The following FBXO34 variants were observed in gnomAD, a reference collection of about 807,000 sequenced individuals.
The protein encoded by FBXO34 is F-box protein 34.
FBXO34 carries 12 observed loss-of-function variants against 24.5 expected under a neutral mutation model. That is an observed-to-expected ratio of 0.49 (90% CI 0.31 to 0.79). The LOEUF is 0.79. FBXO34 is among the 30% of genes least tolerant of loss of function. The probability of loss-of-function intolerance (pLI) is 0.04; values close to 1 mark genes in which losing one functional copy is unlikely to be tolerated. For missense variants in FBXO34, 823 were observed against 857.7 expected, an observed-to-expected ratio of 0.96 and a Z score of 0.51; for synonymous variants, 320 against 311.9, an observed-to-expected ratio of 1.03 and a Z score of -0.27.
intron 3 of FBXO34, among the ~76,000 whole-genome samples, chr14:55,359,391 T>C (rs556992963): frequency 6.6e-6 from 1 of 152,338 alleles, no homozygotes; most frequent in East Asian, 1.9e-4. Flanking sequence ...ACCACTGCAA[T>C]AAAGCAAGTC....
chr14:55,279,178 T>C (rs529321440), intron 1 of FBXO34, among the ~76,000 whole-genome samples: 106 of 151,960 alleles, frequency 7.0e-4, no homozygotes, highest in African/African-American at 2.4e-3. Flanking sequence ...TCCCAGCTAC[T>C]TGGTAGGCTG....
At chr14:55,409,617 C>A in the FBXO34 span, among the ~76,000 whole-genome samples, 1 of 151,568 alleles carries the variant, frequency 6.6e-6, no homozygotes, top group African/African-American at 2.4e-5. Flanking sequence ...GAGTTCCTGG[C>A]TGTCTAAATA....
At chr14:55,429,099 C>T in the FBXO34 span, 1 of 1,200,342 alleles carries the variant, frequency 8.3e-7, no homozygotes, top group Non-Finnish European at 1.1e-6. Flanking sequence ...AAGCTGTAGG[C>T]TTTGTGAGGA....
intron 1 of FBXO34, among the ~76,000 whole-genome samples, chr14:55,304,078 G>A (rs900104633): frequency 3.3e-5 from 5 of 152,130 alleles, no homozygotes; most frequent in Non-Finnish European, 5.9e-5. Flanking sequence ...ACATGTGTGC[G>A]GTTAAAGTGA....
the FBXO34 span, among the ~76,000 whole-genome samples, chr14:55,433,977 G>A: frequency 6.6e-6 from 1 of 152,114 alleles, no homozygotes; most frequent in African/African-American, 2.4e-5. Context: ...CTCATGATAG[G>A]ATGAACTTGT....
chr14:55,379,183 AAT>A, the FBXO34 span, among the ~76,000 whole-genome samples: 1 of 152,212 alleles, frequency 6.6e-6, no homozygotes, highest in Non-Finnish European at 1.5e-5. Context: ...GTACTTCATA[AAT>A]ATGTGTTACA....
chr14:55,349,392 A>G (rs1358341971), intron 1 of FBXO34, among the ~76,000 whole-genome samples: 1 of 152,068 alleles, frequency 6.6e-6, no homozygotes, highest in Non-Finnish European at 1.5e-5. Flanking sequence ...ATCTTTCTGA[A>G]CTAGTTTAAA....
chr14:55,410,175 C>G, the FBXO34 span, among the ~76,000 whole-genome samples: 3 of 152,142 alleles, frequency 2.0e-5, no homozygotes, highest in Non-Finnish European at 4.4e-5. Context: ...ACAAGGAGTT[C>G]AGTTTGCCAT....
intron 1 of FBXO34, among the ~76,000 whole-genome samples, chr14:55,334,306 T>C (rs1883697842): frequency 6.6e-6 from 1 of 152,216 alleles, no homozygotes; most frequent in African/African-American, 2.4e-5. Flanking sequence ...GCTTGCTGAC[T>C]GGCTGGTTTA....
At position 55,295,872 on chromosome 14, in the gene FBXO34, A is replaced by T. The variant is rs113254619; in HGVS notation, c.-11+24335A>T. Among the ~76,000 whole-genome samples, 181 of 152,354 alleles carry T rather than the reference A, an allele frequency of 1.2e-3. 1 individual carries two copies. Among genetic ancestry groups the T allele is most frequent in the African/African-American group, 4.2e-3 (175 of 41,580 alleles). On this transcript the variant is annotated intron_variant, in intron 1 of 1. Transcript: ENST00000313833. The stretch of plus-strand genomic sequence containing the variant: ...AATACTTTGAAGTAAAAAAGAAATT[A>T]GGAACAGCTTAGTGGAACAGTAATG...
intron 1 of FBXO34, among the ~76,000 whole-genome samples, chr14:55,292,150 AT>A (rs1236916580): frequency 1.3e-5 from 2 of 151,980 alleles, no homozygotes; most frequent in Non-Finnish European, 2.9e-5. Flanking sequence ...TTTATATAAT[AT>A]TTTTTGTTGT....
At chr14:55,425,177 A>G in the FBXO34 span, among the ~76,000 whole-genome samples, 3 of 152,294 alleles carry the variant, frequency 2.0e-5, no homozygotes, top group Non-Finnish European at 4.4e-5. Context: ...AGTCTTGCCC[A>G]TCTCAAGTAT....
chr14:55,320,291 G>A (rs992549578), intron 1 of FBXO34, among the ~76,000 whole-genome samples: 3 of 152,134 alleles, frequency 2.0e-5, no homozygotes, highest in African/African-American at 7.2e-5. Context: ...TCAAGGCGAC[G>A]GTGATTGTGT....
chr14:55,414,946 G>C, the FBXO34 span, among the ~76,000 whole-genome samples: 2 of 152,106 alleles, frequency 1.3e-5, no homozygotes, highest in African/African-American at 4.8e-5. Context: ...CATGGGAAGG[G>C]ATTATTAGAG....
the FBXO34 span, chr14:55,411,915 G>A: frequency 8.2e-5 from 101 of 1,233,048 alleles, 1 homozygote; most frequent in East Asian, 1.8e-4. Context: ...GGGGGGCTGG[G>A]ATGCCGGCGA....
At chr14:55,278,415 A>G (rs1204480220) in intron 1 of FBXO34, among the ~76,000 whole-genome samples, 1 of 152,126 alleles carries the variant, frequency 6.6e-6, no homozygotes, top group African/African-American at 2.4e-5. Context: ...GTAACAGAAA[A>G]CCAACTCAAA....
At chr14:55,374,760 C>A (rs1884887453), downstream of FBXO34, among the ~76,000 whole-genome samples, 4 of 152,182 alleles carry the variant, frequency 2.6e-5, no homozygotes, top group Non-Finnish European at 5.9e-5. Flanking sequence ...TGGCCCAACG[C>A]TATTGAACCA....
At chr14:55,437,141 G>C in the FBXO34 span, 2 of 823,112 alleles carry the variant, frequency 2.4e-6, no homozygotes, top group Non-Finnish European at 3.9e-6. Flanking sequence ...GTTCAAGATT[G>C]CTTGTATTCA....
chr14:55,396,281 T>C, the FBXO34 span, among the ~76,000 whole-genome samples: 1 of 152,236 alleles, frequency 6.6e-6, no homozygotes, highest in East Asian at 1.9e-4. Flanking sequence ...TCATAATTCA[T>C]AGCAATAGTT....
Sources: allele counts gnomAD v4.1 joint callset (sites outside exome capture counted in the v4.1 genomes callset), GRCh38; gene constraint gnomAD v4.1.1; transcripts MANE v1.5; gene names NCBI Gene and HGNC (gene_info 2026-07-23, HGNC 2026-07-21).